Variants in TEX2 observed in about 807,000 individuals in gnomAD.
TEX2 encodes testis expressed 2.
Under a neutral mutation model 106.9 loss-of-function variants are expected in TEX2, and 53 were observed. That is an observed-to-expected ratio of 0.50 (90% confidence interval 0.40 to 0.62). TEX2 has a LOEUF of 0.62. Among genes scored for constraint, TEX2 ranks in the 20% least tolerant of loss-of-function variants. The pLI, the probability that TEX2 is intolerant of heterozygous loss-of-function variation, is 0.00. For missense variants in TEX2, 1,207 were observed against 1,379.0 expected, an observed-to-expected ratio of 0.88 and a Z score of 1.98; for synonymous variants, 523 against 534.8, an observed-to-expected ratio of 0.98 and a Z score of 0.30.
intron 1 of TEX2, among the ~76,000 whole-genome samples, chr17:64,226,324 GAC>G (rs1477164163): frequency 7.9e-5 from 12 of 152,192 alleles, no homozygotes; most frequent in African/African-American, 2.9e-4. Context: ...TTGAAATAAT[GAC>G]AGATTCTCAG....
intron 1 of TEX2, among the ~76,000 whole-genome samples, chr17:64,258,236 T>C (rs1250136284): frequency 6.6e-6 from 1 of 152,178 alleles, no homozygotes; most frequent in African/African-American, 2.4e-5. Flanking sequence ...TTATTAGTTA[T>C]ATTGTTAATC....
chr17:64,206,545 TCTTA>T, intron 2 of TEX2, among the ~76,000 whole-genome samples: 1 of 142,102 alleles, frequency 7.0e-6, no homozygotes, highest in Non-Finnish European at 1.5e-5. Flanking sequence ...CACATAGAGG[TCTTA>T]CTTTTTTTTT....
chr17:64,211,357 G>A (rs1393160474), intron 2 of TEX2, among the ~76,000 whole-genome samples: 1 of 152,148 alleles, frequency 6.6e-6, no homozygotes, highest in African/African-American at 2.4e-5. Context: ...TCAAACTCCT[G>A]GATGGTTATG....
At chr17:64,154,593 T>G (rs1230505708) in intron 9 of TEX2, among the ~76,000 whole-genome samples, 12 of 152,218 alleles carry the variant, frequency 7.9e-5, no homozygotes, top group Admixed American at 7.9e-4. Context: ...CAGCACACCC[T>G]TCAACTTCTC....
intron 1 of TEX2, among the ~76,000 whole-genome samples, chr17:64,246,572 G>C (rs905789158): frequency 6.6e-6 from 1 of 152,010 alleles, no homozygotes; most frequent in African/African-American, 2.4e-5. Context: ...ATATTGGGCT[G>C]CCCCCTAGAA....
chr17:64,250,572 C>T (rs890722826), intron 1 of TEX2, among the ~76,000 whole-genome samples: 8 of 152,222 alleles, frequency 5.3e-5, no homozygotes, highest in African/African-American at 9.6e-5. Context: ...TCTGCATGGT[C>T]TACTACACCT....
chr17:64,160,008 T>G (rs1451323984), intron 8 of TEX2, among the ~76,000 whole-genome samples: 1 of 152,230 alleles, frequency 6.6e-6, no homozygotes, highest in Non-Finnish European at 1.5e-5. Flanking sequence ...TGGAGGTAGC[T>G]CCTTGTGACA....
At chr17:64,219,902 A>G (rs376217795) in intron 1 of TEX2, among the ~76,000 whole-genome samples, 21 of 152,360 alleles carry the variant, frequency 1.4e-4, no homozygotes, top group African/African-American at 4.8e-4. Context: ...GTTACTTCCC[A>G]TGGCAACAGA....
chr17:64,149,041 G>A lies in TEX2; in HGVS notation c.3312C>T (p.His1104=). 1.2e-6 allele frequency: 2 copies of A among 1,614,140 alleles called. No homozygotes were observed. The highest frequency in any genetic ancestry group is 2.2e-5 in the South Asian group (2 of 91,082). ...NMDDVYITIM[H]SAMDPRSTSC... ...AAGTAGAGCGAGGGTCCATGGCTGAGTGCATTATAGTGATATAAACATCAT... is the reference window on the plus strand; with the variant it reads ...AAGTAGAGCGAGGGTCCATGGCTGAATGCATTATAGTGATATAAACATCAT... The change falls in exon 12 of 12, where the codon CAC becomes CAT. Residue 1104 remains histidine (H), a synonymous_variant. Coordinates refer to ENST00000584379, the MANE Select transcript of TEX2 (RefSeq NM_001288732.2).
Position 64,214,092 on chromosome 17 carries a change from G to A in TEX2, c.126C>T (p.Gly42=), listed in dbSNP as rs782820577. The A allele has an allele frequency of 1.3e-5, 21 of 1,613,938 alleles. No homozygotes were observed. The highest frequency in any genetic ancestry group is 2.7e-5 in the African/African-American group (2 of 74,876). ...DTIAIHFSAS[G]EEEEEEEEEF... Reference sequence around the variant, plus strand: ...CCTCCTCCTCTTCCTCCTCCTCCTCGCCGGATGCCGAGAAGTGAATGGCGA... The same window carrying A: ...CCTCCTCCTCTTCCTCCTCCTCCTCACCGGATGCCGAGAAGTGAATGGCGA... Residue 42 remains glycine (G), a synonymous_variant, in exon 2 of 12, where the codon GGC becomes GGT. Coordinates refer to ENST00000584379, the MANE Select transcript of TEX2 (RefSeq NM_001288732.2).
intron 1 of TEX2, among the ~76,000 whole-genome samples, chr17:64,242,872 G>A (rs1010207215): frequency 3.9e-5 from 6 of 151,944 alleles, no homozygotes; most frequent in Middle Eastern, 3.4e-3. Context: ...GATCACTTGC[G>A]GCCAGAGTTT....
At chr17:64,216,373 G>C (rs1240558867) in intron 1 of TEX2, among the ~76,000 whole-genome samples, 1 of 152,346 alleles carries the variant, frequency 6.6e-6, no homozygotes, top group Non-Finnish European at 1.5e-5. Context: ...ATAATTCTCA[G>C]TGGGCTGAAA....
intron 1 of TEX2, among the ~76,000 whole-genome samples, chr17:64,253,539 G>A (rs1421677081): frequency 3.3e-5 from 5 of 151,980 alleles, no homozygotes; most frequent in Non-Finnish European, 7.4e-5. Flanking sequence ...GGTAGATGAG[G>A]GCAGGTCAGT....
chr17:64,188,909 C>T (rs1185512141), intron 4 of TEX2, among the ~76,000 whole-genome samples: 1 of 152,014 alleles, frequency 6.6e-6, no homozygotes, highest in African/African-American at 2.4e-5. Flanking sequence ...TTATTCCTCT[C>T]CAAGATAATT....
intron 1 of TEX2, among the ~76,000 whole-genome samples, chr17:64,252,912 T>C (rs1204329092): frequency 6.6e-6 from 1 of 152,122 alleles, no homozygotes; most frequent in Non-Finnish European, 1.5e-5. Context: ...AGCTGTTTCC[T>C]GCAGAGGGTT....
At chr17:64,155,037 A>C in intron 8 of TEX2, 70 bp from the exon 9 acceptor site, 1 of 1,442,252 alleles carries the variant, frequency 6.9e-7, no homozygotes, top group Non-Finnish European at 9.1e-7. Flanking sequence ...GAACACACAC[A>C]CCCATGCACA....
At chr17:64,199,732 T>C (rs1462624250) in intron 2 of TEX2, among the ~76,000 whole-genome samples, 3 of 152,228 alleles carry the variant, frequency 2.0e-5, no homozygotes, top group Non-Finnish European at 4.4e-5. Flanking sequence ...TACTTTACGC[T>C]TAGAACACAT....
At chr17:64,182,909 GTTTT>G (rs200260065) in intron 5 of TEX2, among the ~76,000 whole-genome samples, 3,040 of 144,100 alleles carry the variant, frequency 0.021, 46 homozygotes, top group South Asian at 0.1. Context: ...CTTTTGTTGT[GTTTT>G]TTTTTTTTTT....
chr17:64,219,508 CAAATAAAATAAAATAAAATA>C (rs3071506), intron 1 of TEX2, among the ~76,000 whole-genome samples: 2 of 134,830 alleles, frequency 1.5e-5, no homozygotes, highest in African/African-American at 5.5e-5. Context: ...TCCATCTCAT[CAAATAAAATAAAATAAAATA>C]AAATAAAATA....
Sources: gnomAD v4.1 joint callset for allele counts (sites outside exome capture counted in the v4.1 genomes callset) on GRCh38, gnomAD v4.1.1 for gene constraint, MANE v1.5 for transcripts, NCBI Gene and HGNC (gene_info 2026-07-23, HGNC 2026-07-21) for gene names.